Variants in FXR1 observed in about 807,000 individuals in gnomAD.
FXR1 encodes FMR1 autosomal homolog 1.
In FXR1, 15 loss-of-function variants were observed where a neutral mutation model predicts 84.0. The observed-to-expected ratio is 0.18, with a 90% confidence interval of 0.12 to 0.27. FXR1 has a LOEUF of 0.27. Ranked by LOEUF, FXR1 falls within the 10% of genes least tolerant of loss-of-function variation. The pLI is 1.00. For synonymous variants in FXR1, 245 were observed against 250.7 expected (o/e 0.98, Z 0.21); for missense variants, 480 against 774.4 (o/e 0.62, Z 4.51).
chr3:180,975,846 T>C (rs1714175199), intron 16 of FXR1, among the ~76,000 whole-genome samples: 1 of 152,342 alleles, frequency 6.6e-6, no homozygotes, highest in African/African-American at 2.4e-5. Flanking sequence ...CATGGTGAGC[T>C]TTCCAGTGTT....
In FXR1 at chr3:180,981,376, G is replaced by GT. The variant is rs1426103746; in HGVS notation, c.*5085dup. 1 of 151,942 alleles carries GT rather than the reference G, an allele frequency of 6.6e-6. No individual in the cohort carries two copies. Among genetic ancestry groups the GT allele is most frequent in the Non-Finnish European group, 1.5e-5 (1 of 67,902 alleles). The allele number at this position is 151,942 out of a possible 1,614,324, so 9.4% of individuals were successfully genotyped here. A position where few individuals can be genotyped will look rare whatever the true frequency, so the allele number is the denominator to read the frequency against. On this transcript the variant is annotated 3_prime_UTR_variant, in exon 17 of 17. Transcript: ENST00000357559. ...ATTGGTTTTCCATTTAAATGTTTCC[G>GT]TAAGTACTCTCATCATTTGGAAAAT...
At position 180,981,942 on chromosome 3, in the gene FXR1, T is replaced by C. The variant is rs1714629662; in HGVS notation, c.*5650T>C. 6.6e-6 allele frequency: 1 copy of C among 152,076 alleles called. No individual in the cohort carries two copies. The allele number at this position is 152,076 out of a possible 1,614,324, so 9.4% of individuals were successfully genotyped here. A position where few individuals can be genotyped will look rare whatever the true frequency, so the allele number is the denominator to read the frequency against. ...TAATCATGCCGCCTTCTTTAAAATA[T>C]ATCTGGAAGCACCAATGAGTAAAGA... On this transcript the variant is annotated 3_prime_UTR_variant, in exon 17 of 17. Transcript: ENST00000357559.
rs959982823 is a variant in FXR1, at chr3:180,978,233, T to C, written c.*1941T>C. On this transcript the variant is annotated 3_prime_UTR_variant, in exon 17 of 17. Transcript: ENST00000357559. ...TTCTCCCACATAGAATAGTCAGATA[T>C]ATTAAACATCCCTTTTCCATAAAGA... 2 of 150,370 alleles carry C rather than the reference T, an allele frequency of 1.3e-5. No homozygotes were observed. Among genetic ancestry groups the C allele is most frequent in the African/African-American group, 4.9e-5 (2 of 40,868 alleles). 9.3% of individuals were successfully genotyped at this position (150,370 alleles called of 1,614,324 possible).
chr3:180,973,654 A>AAATT (rs1257605474), intron 15 of FXR1, among the ~76,000 whole-genome samples: 1 of 152,340 alleles, frequency 6.6e-6, no homozygotes, highest in African/African-American at 2.4e-5. Context: ...TAAATAATTT[A>AAATT]AAAAGCTTCA....
intron 1 of FXR1, chr3:180,914,930 T>C (rs1717697788): frequency 1.0e-6 from 1 of 984,698 alleles, no homozygotes; most frequent in Non-Finnish European, 1.2e-6. Context: ...TTCAGAACTC[T>C]GGAAGAATGA....
intron 3 of FXR1, among the ~76,000 whole-genome samples, chr3:180,944,812 G>A (rs541879703): frequency 6.6e-6 from 1 of 152,262 alleles, no homozygotes; most frequent in South Asian, 2.1e-4. Flanking sequence ...GCATAGTGAT[G>A]GTGTTTCACC....
chr3:180,921,860 C>T (rs1213289050), intron 1 of FXR1, among the ~76,000 whole-genome samples: 6 of 152,056 alleles, frequency 3.9e-5, no homozygotes, highest in Non-Finnish European at 5.9e-5. Context: ...TCTTCACCAC[C>T]TGGGTCTCTC....
intron 9 of FXR1, among the ~76,000 whole-genome samples, chr3:180,957,250 A>G (rs1377477387): frequency 6.6e-6 from 1 of 152,246 alleles, no homozygotes; most frequent in Non-Finnish European, 1.5e-5. Context: ...GCAAGACAGC[A>G]TATCATGTAC....
intron 1 of FXR1, among the ~76,000 whole-genome samples, chr3:180,929,422 G>C (rs1000049513): frequency 1.3e-5 from 2 of 152,130 alleles, no homozygotes; most frequent in Non-Finnish European, 2.9e-5. Flanking sequence ...TGGACTGTGC[G>C]AGTGAACAAG....
chr3:180,935,562 A>G (rs1372521804), intron 3 of FXR1, among the ~76,000 whole-genome samples: 1 of 152,226 alleles, frequency 6.6e-6, no homozygotes, highest in Non-Finnish European at 1.5e-5. Context: ...ATTACTTTAA[A>G]TAATTTGTCT....
chr3:180,981,420 T>G lies in FXR1; in HGVS notation c.*5128T>G, dbSNP rs1457664830. 2 of 152,038 alleles carry G rather than the reference T, an allele frequency of 1.3e-5. No individual in the cohort carries two copies. The highest frequency in any genetic ancestry group is 1.5e-5 in the Non-Finnish European group (1 of 67,924). The allele number at this position is 152,038 out of a possible 1,614,324, so 9.4% of individuals were successfully genotyped here. ...GGAAAATACTTGATGGCAGGAGAAC[T>G]TGCTTAAAACTAAAGGTGGAGAAAG... On this transcript the variant is annotated 3_prime_UTR_variant, in exon 17 of 17. Transcript: ENST00000357559.
At chr3:180,934,791 G>A (rs767489335) in intron 2 of FXR1, among the ~76,000 whole-genome samples, 31 of 152,108 alleles carry the variant, frequency 2.0e-4, no homozygotes, top group Non-Finnish European at 3.2e-4. Flanking sequence ...GCAGCTGTCC[G>A]AATCAAAGTT....
intron 3 of FXR1, among the ~76,000 whole-genome samples, chr3:180,938,484 A>G (rs559397020): frequency 5.9e-4 from 90 of 152,162 alleles, no homozygotes; most frequent in African/African-American, 1.8e-3. Flanking sequence ...TGAATTGTCT[A>G]TTTTTTGTTT....
At chr3:180,915,764 C>G (rs1167636618) in intron 1 of FXR1, 1 of 605,962 alleles carries the variant, frequency 1.7e-6, no homozygotes, top group African/African-American at 1.9e-5. Context: ...ACTCTGTAGA[C>G]TTTGATTAAA....
chr3:180,954,987 A>ATT (rs35677270), intron 9 of FXR1, among the ~76,000 whole-genome samples: 20,709 of 132,558 alleles, frequency 0.16, 1,931 homozygotes, highest in South Asian at 0.2. Flanking sequence ...GTAAAAATAA[A>ATT]TTTTTTTTTT....
intron 10 of FXR1, among the ~76,000 whole-genome samples, chr3:180,958,856 G>A (rs144052390): frequency 6.7e-6 from 1 of 149,000 alleles, no homozygotes; most frequent in East Asian, 2.0e-4. Flanking sequence ...TCACCAGGGT[G>A]GAGTGCAGTG....
intron 1 of FXR1, among the ~76,000 whole-genome samples, chr3:180,923,765 C>CG (rs1361808416): frequency 1.3e-5 from 2 of 151,958 alleles, no homozygotes; most frequent in African/African-American, 4.8e-5. Flanking sequence ...TTCAGGAGAC[C>CG]GGTCTGTTGA....
intron 1 of FXR1, among the ~76,000 whole-genome samples, chr3:180,918,489 A>G (rs933478822): frequency 3.3e-5 from 5 of 152,150 alleles, no homozygotes; most frequent in Admixed American, 6.5e-5. Context: ...TTACATTTTC[A>G]TTAGGAGGAA....
chr3:180,967,300 T>C (rs1379178333), intron 13 of FXR1, among the ~76,000 whole-genome samples: 1 of 152,172 alleles, frequency 6.6e-6, no homozygotes, highest in Non-Finnish European at 1.5e-5. Flanking sequence ...AAATTACTTC[T>C]AGCTTATAAT....
Sources: allele counts gnomAD v4.1 joint callset (sites outside exome capture counted in the v4.1 genomes callset), GRCh38; gene constraint gnomAD v4.1.1; transcripts MANE v1.5; gene names NCBI Gene and HGNC (gene_info 2026-07-23, HGNC 2026-07-21).